Variants in IL1RAPL1 observed in about 807,000 individuals in gnomAD.
IL1RAPL1 encodes the protein interleukin-1 receptor accessory protein-like 1.
IL1RAPL1 carries 3 observed loss-of-function variants against 48.4 expected under a neutral mutation model. The ratio of observed to expected loss-of-function variants is 0.06; its 90% confidence interval spans 0.03 to 0.16. IL1RAPL1 has a LOEUF of 0.16. Among genes scored for constraint, IL1RAPL1 ranks in the 10% least tolerant of loss-of-function variants. IL1RAPL1 has a pLI of 1.00. For missense variants in IL1RAPL1, 349 were observed against 530.6 expected, an observed-to-expected ratio of 0.66 and a Z score of 3.36; for synonymous variants, 185 against 187.7, an observed-to-expected ratio of 0.99 and a Z score of 0.12.
At chrX:29,519,063 A>G (rs1315541749) in intron 5 of IL1RAPL1, among the ~76,000 whole-genome samples, 1 of 111,511 alleles carries the variant, frequency 9.0e-6, no homozygotes, top group African/African-American at 3.3e-5. Context: ...GTCAAGGATG[A>G]CTGCAAGGTT....
At chrX:28,674,573 C>T (rs1443121003) in intron 1 of IL1RAPL1, among the ~76,000 whole-genome samples, 1 of 111,430 alleles carries the variant, frequency 9.0e-6, no homozygotes, top group African/African-American at 3.3e-5. Flanking sequence ...TTTAACTGTC[C>T]TAATTTTCAA....
intron 5 of IL1RAPL1, among the ~76,000 whole-genome samples, chrX:29,442,834 G>A (rs1485066576): frequency 9.6e-6 from 1 of 104,208 alleles, no homozygotes; most frequent in Non-Finnish European, 2.0e-5. Context: ...GTCCAACCTG[G>A]GCATCACGGC....
chrX:28,849,666 C>A (rs1237193875), intron 2 of IL1RAPL1, among the ~76,000 whole-genome samples: 1 of 111,816 alleles, frequency 8.9e-6, no homozygotes, highest in Non-Finnish European at 1.9e-5. Flanking sequence ...CCAACCTAAG[C>A]CAGCCCTTTT....
chrX:29,703,393 A>G (rs1927105446), intron 6 of IL1RAPL1, among the ~76,000 whole-genome samples: 1 of 110,336 alleles, frequency 9.1e-6, no homozygotes, highest in South Asian at 3.9e-4. Flanking sequence ...CCCAGGCCAG[A>G]GTGCGGTGGC....
At chrX:29,725,977 G>A (rs909505739) in intron 6 of IL1RAPL1, among the ~76,000 whole-genome samples, 2 of 112,017 alleles carry the variant, frequency 1.8e-5, no homozygotes, top group African/African-American at 6.5e-5. Context: ...CACACACGCA[G>A]TACTGGTGTG....
intron 6 of IL1RAPL1, among the ~76,000 whole-genome samples, chrX:29,896,651 A>G (rs1240984742): frequency 3.6e-5 from 4 of 112,376 alleles, no homozygotes; most frequent in Non-Finnish European, 7.5e-5. Flanking sequence ...GAATTCCACT[A>G]GGATAGACTG....
At chrX:29,446,226 C>T (rs983501061) in intron 5 of IL1RAPL1, among the ~76,000 whole-genome samples, 2 of 111,448 alleles carry the variant, frequency 1.8e-5, no homozygotes, top group Non-Finnish European at 3.8e-5. Context: ...CAATAAAGAG[C>T]AAGCTGGTTA....
intron 6 of IL1RAPL1, among the ~76,000 whole-genome samples, chrX:29,899,095 ATCAG>A (rs1359234076): frequency 9.2e-6 from 1 of 108,986 alleles, no homozygotes; most frequent in African/African-American, 3.4e-5. Context: ...CAGAAGAGTA[ATCAG>A]TCTGTCTTAG....
At chrX:29,679,874 G>A (rs1926399472) in intron 6 of IL1RAPL1, among the ~76,000 whole-genome samples, 1 of 111,744 alleles carries the variant, frequency 8.9e-6, no homozygotes, top group South Asian at 3.8e-4. Context: ...CAGTCAAGAG[G>A]GAATCGTACT....
At chrX:29,573,338 A>G (rs1200689478) in intron 5 of IL1RAPL1, among the ~76,000 whole-genome samples, 1 of 112,694 alleles carries the variant, frequency 8.9e-6, no homozygotes, top group African/African-American at 3.2e-5. Context: ...TAGGAATACA[A>G]TTGACTTTCC....
chrX:29,157,684 A>G (rs1280671989), intron 2 of IL1RAPL1, among the ~76,000 whole-genome samples: 1 of 66,798 alleles, frequency 1.5e-5, no homozygotes. Flanking sequence ...TATTAGCTGT[A>G]TGACTTTGGG....
chrX:29,600,752 G>T (rs1398631654), intron 5 of IL1RAPL1, among the ~76,000 whole-genome samples: 1 of 110,896 alleles, frequency 9.0e-6, no homozygotes, highest in Non-Finnish European at 1.9e-5. Context: ...AAGCTGCTGT[G>T]GGGGATAGCG....
At chrX:29,706,658 C>A (rs1041637686) in intron 6 of IL1RAPL1, among the ~76,000 whole-genome samples, 2 of 111,868 alleles carry the variant, frequency 1.8e-5, no homozygotes, top group African/African-American at 6.5e-5. Context: ...TTAGAGCCAA[C>A]TGATTGTTTG....
intron 2 of IL1RAPL1, among the ~76,000 whole-genome samples, chrX:28,855,998 A>G (rs1039813460): frequency 8.9e-6 from 1 of 112,170 alleles, no homozygotes; most frequent in Admixed American, 9.5e-5. Context: ...TTAATACAAA[A>G]TCTCCAAGTG....
chrX:28,727,148 G>C lies in IL1RAPL1; in HGVS notation c.-24-62172G>C, dbSNP rs759382541. On this transcript the variant is annotated intron_variant, in intron 1 of 10. Coordinates refer to ENST00000378993, the MANE Select transcript of IL1RAPL1 (RefSeq NM_014271.4). ...GCAGTATGGCCATTTTCACGATATTGATTCTTCCTACCCAGGAGCATGGAA... is the reference window on the plus strand; with the variant it reads ...GCAGTATGGCCATTTTCACGATATTCATTCTTCCTACCCAGGAGCATGGAA... 2.0e-3 allele frequency among the ~76,000 whole-genome samples: 219 copies of C among 111,162 alleles called. 1 individual carries two copies. Among genetic ancestry groups the C allele is most frequent in the African/African-American group, 6.9e-3 (212 of 30,528 alleles).
At chrX:28,776,045 G>T (rs1365547412) in intron 1 of IL1RAPL1, among the ~76,000 whole-genome samples, 1 of 111,991 alleles carries the variant, frequency 8.9e-6, no homozygotes, top group Non-Finnish European at 1.9e-5. Flanking sequence ...GATAGGATAT[G>T]GGTCTGTCCT....
At chrX:29,780,678 TA>T (rs1464576463) in intron 6 of IL1RAPL1, among the ~76,000 whole-genome samples, 1 of 111,787 alleles carries the variant, frequency 8.9e-6, no homozygotes, top group Non-Finnish European at 1.9e-5. Context: ...TTATAACGGT[TA>T]TATTATTGTT....
chrX:29,379,230 G>A (rs2147672269), intron 3 of IL1RAPL1, among the ~76,000 whole-genome samples: 1 of 112,574 alleles, frequency 8.9e-6, no homozygotes, highest in East Asian at 2.8e-4. Flanking sequence ...GGCAGCATAG[G>A]CTGTGCCATG....
intron 2 of IL1RAPL1, among the ~76,000 whole-genome samples, chrX:29,143,566 C>A (rs1012179740): frequency 2.7e-5 from 3 of 111,493 alleles, no homozygotes; most frequent in African/African-American, 9.8e-5. Flanking sequence ...ATCCCTTTGT[C>A]CAGCAGATCC....
Sources: gnomAD v4.1 joint callset for allele counts (sites outside exome capture counted in the v4.1 genomes callset) on GRCh38, gnomAD v4.1.1 for gene constraint, MANE v1.5 for transcripts, NCBI Gene and HGNC (gene_info 2026-07-23, HGNC 2026-07-21) for gene names.